The following FBXL18 variants were observed in gnomAD, a reference collection of about 807,000 sequenced individuals.
FBXL18 encodes the protein F-box and leucine rich repeat protein 18, also known as F-box/LRR-repeat protein 18.
Under a neutral mutation model 46.0 loss-of-function variants are expected in FBXL18, and 36 were observed. That is an observed-to-expected ratio of 0.78 (90% CI 0.60 to 1.03). The LOEUF (loss-of-function observed/expected upper bound fraction) is 1.03, where lower values mean the gene tolerates loss of function less well. FBXL18 is among the 50% of genes least tolerant of loss of function. The probability of loss-of-function intolerance (pLI) is 0.00; values close to 1 mark genes in which losing one functional copy is unlikely to be tolerated. For missense variants in FBXL18, 977 were observed against 1,004.1 expected (o/e 0.97, Z 0.36); for synonymous variants, 557 against 465.3 (o/e 1.20, Z -2.54).
rs558812383 is a variant in FBXL18 at position 5,478,049 on chromosome 7, G to A, written c.*3726C>T. 2.6e-5 allele frequency: 4 copies of A among 152,476 alleles called. No homozygotes were observed. The South Asian group carries it at 8.3e-4, about 32-fold the overall frequency. The allele number at this position is 152,476 out of a possible 1,614,324, so 9.4% of individuals were successfully genotyped here. ...GGGTCCGGACCCAGGGTGTGGTTGAGGGAGGGCGCTGCTGAGCTGGCAGGC... is the reference window on the plus strand; with the variant it reads ...GGGTCCGGACCCAGGGTGTGGTTGAAGGAGGGCGCTGCTGAGCTGGCAGGC... On this transcript the variant is annotated 3_prime_UTR_variant, in exon 5 of 5. Coordinates refer to ENST00000382368, the MANE Select transcript of FBXL18 (RefSeq NM_024963.6).
chr7:5,512,251 A>AG (rs1784557609), intron 1 of FBXL18, among the ~76,000 whole-genome samples: 1 of 144,286 alleles, frequency 6.9e-6, no homozygotes, highest in Non-Finnish European at 1.6e-5. Context: ...TCTCAAAAAA[A>AG]AAAAAGAAAA....
In FBXL18 at chr7:5,501,633, G is replaced by T; in HGVS notation, c.636C>A (p.Ile212=). The T allele has an allele frequency of 6.2e-7, 1 of 1,613,584 alleles. No individual in the cohort carries two copies. Among genetic ancestry groups the T allele is most frequent in the Non-Finnish European group, 8.5e-7 (1 of 1,179,894 alleles). ...GGCCCACCATAAGCTGGCCCGAGAG[G>T]ATGGCGCCCTCGCGCGTGCGGTCCA... ...EILDRTREGA[I]LSGQLMVGQS... is the part of the protein sequence containing the mutation. The change falls in exon 3 of 5, where the codon ATC becomes ATA. Residue 212 remains isoleucine (I), a synonymous_variant. Transcript: ENST00000382368.
rs534479868 is a variant in FBXL18, at chr7:5,463,886, G to A, written c.2001-16043C>T. On this transcript the variant is annotated intron_variant and NMD_transcript_variant, in intron 4 of 6. Transcript: ENST00000415009. ...TTCCTGAGTAGCTGGGATTACAGGC[G>A]TGCGCCACCACACCCAGCTAATTTT... is the stretch of plus-strand genomic sequence containing the variant. Among the ~76,000 whole-genome samples the A allele has an allele frequency of 2.0e-4, 30 of 151,174 alleles. No individual in the cohort carries two copies. In the South Asian group the frequency reaches 5.9e-3, roughly 30 times the overall value.
intron 4 of FBXL18, among the ~76,000 whole-genome samples, chr7:5,466,108 G>A (rs937937822): frequency 1.3e-5 from 2 of 150,604 alleles, no homozygotes; most frequent in South Asian, 2.1e-4. Context: ...GTGAGCTACC[G>A]CACCTGGCCC....
chr7:5,481,925 C>T lies in FBXL18; in HGVS notation c.2007G>A (p.Gln669=). The part of the protein sequence containing the change: ...SLQQSLLRSF[Q]AERPALNVVI... ...CGACGTTTAACGCGGGCCGCTCGGC[C>T]TGGAAGCTGAACCAGAGACAGGCGG... is the stretch of plus-strand genomic sequence containing the variant. Residue 669 remains glutamine, a synonymous_variant, in exon 5 of 5, where the codon CAG becomes CAA. Transcript: ENST00000382368. 5 of 1,603,754 alleles carry T rather than the reference C, an allele frequency of 3.1e-6. No individual in the cohort carries two copies. Among genetic ancestry groups the T allele is most frequent in the Non-Finnish European group, 4.3e-6 (5 of 1,174,108 alleles).
At position 5,455,243 on chromosome 7, in the gene FBXL18, T is replaced by TG. The variant is rs936625769; in HGVS notation, c.2001-7401dup. 2.0e-5 allele frequency among the ~76,000 whole-genome samples: 3 copies of TG among 151,030 alleles called. No homozygotes were observed. The highest frequency in any genetic ancestry group is 4.9e-5 in the African/African-American group (2 of 41,064). ...TGGGAGCATATCTGGGGAGCACTCT[T>TG]GGGGGGGAACATATCTGGGGAGCAG... On this transcript the variant is annotated intron_variant and NMD_transcript_variant, in intron 4 of 6. Coordinates refer to the FBXL18 transcript ENST00000415009. This position sits in a 1 kb window ranked among gnomAD's most constrained non-coding sequence, Gnocchi z 4.6.
downstream of FBXL18, among the ~76,000 whole-genome samples, chr7:5,472,149 A>C (rs530066530): frequency 2.0e-5 from 3 of 152,132 alleles, no homozygotes; most frequent in East Asian, 5.8e-4. Context: ...AAGTTCCCCC[A>C]GACCTGGGCT....
intron 3 of FBXL18, among the ~76,000 whole-genome samples, chr7:5,499,548 G>T (rs1184868648): frequency 1.3e-5 from 2 of 151,880 alleles, no homozygotes; most frequent in African/African-American, 4.8e-5. Context: ...GGCCAATACT[G>T]CAAAACCCCG....
chr7:5,484,858 C>T (rs897376443), intron 4 of FBXL18, among the ~76,000 whole-genome samples: 1 of 151,968 alleles, frequency 6.6e-6, no homozygotes, highest in Non-Finnish European at 1.5e-5. Context: ...AGGCTGGTCT[C>T]GAACTCCTGA....
At position 5,456,275 on chromosome 7, in the gene FBXL18, G is replaced by T. The variant is rs150226670; in HGVS notation, c.2001-8432C>A. On this transcript the variant is annotated intron_variant and NMD_transcript_variant, in intron 4 of 6. Coordinates refer to the FBXL18 transcript ENST00000415009. ...GTGCTCCCCCTGCACCAGTCAGCCT[G>T]CCCTGGGCTCTCAGGAGGCAAAGCC... Among the ~76,000 whole-genome samples the T allele has an allele frequency of 1.1e-3, 166 of 152,318 alleles. 1 individual carries two copies. Among genetic ancestry groups the T allele is most frequent in the African/African-American group, 3.8e-3 (156 of 41,580 alleles).
chr7:5,463,013 A>C, intron 4 of FBXL18, among the ~76,000 whole-genome samples: 1 of 126,500 alleles, frequency 7.9e-6, no homozygotes, highest in Admixed American at 8.6e-5. Context: ...ATACACACAC[A>C]CATGCATAAA....
intron 3 of FBXL18, among the ~76,000 whole-genome samples, chr7:5,498,314 C>G (rs1442519510): frequency 6.6e-6 from 1 of 152,154 alleles, no homozygotes; most frequent in East Asian, 1.9e-4. Context: ...TCTCGATCTC[C>G]TGACCTTATG....
chr7:5,472,639 C>T (rs981507754), downstream of FBXL18, among the ~76,000 whole-genome samples: 9 of 152,212 alleles, frequency 5.9e-5, no homozygotes, highest in Non-Finnish European at 1.2e-4. Context: ...GTTCTGGCCA[C>T]AGGCCCCACT....
intron 1 of FBXL18, among the ~76,000 whole-genome samples, chr7:5,506,953 G>A (rs571042467): frequency 3.3e-5 from 5 of 152,262 alleles, no homozygotes; most frequent in African/African-American, 7.2e-5. Flanking sequence ...TGGTTTATAC[G>A]ATGAAGAGGG....
intron 1 of FBXL18, among the ~76,000 whole-genome samples, chr7:5,512,942 C>T (rs1217557237): frequency 1.3e-5 from 2 of 152,116 alleles, no homozygotes; most frequent in African/African-American, 2.4e-5. Flanking sequence ...CCTAAATCTG[C>T]GAAGTGCACC....
At chr7:5,497,619 G>C (rs1784116827) in intron 3 of FBXL18, among the ~76,000 whole-genome samples, 1 of 152,196 alleles carries the variant, frequency 6.6e-6, no homozygotes, top group South Asian at 2.1e-4. Context: ...CTCCCGAGCA[G>C]ACCCGGCCAC....
At chr7:5,488,400 C>T (rs537472677) in intron 4 of FBXL18, among the ~76,000 whole-genome samples, 27 of 152,292 alleles carry the variant, frequency 1.8e-4, no homozygotes, top group East Asian at 9.7e-4. Flanking sequence ...GAGGGTGGGG[C>T]GGGGGGCTGC....
intron 4 of FBXL18, among the ~76,000 whole-genome samples, chr7:5,462,967 A>G (rs1460214260): frequency 5.9e-5 from 1 of 17,004 alleles, no homozygotes; most frequent in African/African-American, 1.4e-4. Context: ...AAAAAAAAAA[A>G]AAATATATAT....
chr7:5,487,562 A>G (rs964265145), intron 4 of FBXL18, among the ~76,000 whole-genome samples: 4 of 152,102 alleles, frequency 2.6e-5, no homozygotes, highest in Admixed American at 2.6e-4. Context: ...CCATCCCTCC[A>G]GCACTCACTC....
Sources: gnomAD v4.1 joint callset for allele counts (sites outside exome capture counted in the v4.1 genomes callset) on GRCh38, gnomAD v4.1.1 for gene constraint, Gnocchi (gnomAD v3.1) non-coding constraint, MANE v1.5 for transcripts, NCBI Gene and HGNC (gene_info 2026-07-23, HGNC 2026-07-21) for gene names.